The following PCDHGA3 variants were observed in gnomAD, a reference collection of about 807,000 sequenced individuals.
The protein encoded by PCDHGA3 is protocadherin gamma-A3.
Under a neutral mutation model 58.5 loss-of-function variants are expected in PCDHGA3, and 40 were observed. That is an observed-to-expected ratio of 0.68 (90% confidence interval 0.53 to 0.89). The LOEUF (loss-of-function observed/expected upper bound fraction) is 0.89. Ranked by LOEUF, PCDHGA3 falls within the 40% of genes least tolerant of loss-of-function variation. PCDHGA3 has a pLI of 0.00. For synonymous variants in PCDHGA3, 530 were observed against 525.7 expected, an observed-to-expected ratio of 1.01 and a Z score of -0.11; for missense variants, 1,223 against 1,195.9, an observed-to-expected ratio of 1.02 and a Z score of -0.33.
At chr5:141,389,887 A>G (rs1473090410) in intron 1 of PCDHGA3, 2 of 1,613,940 alleles carry the variant, frequency 1.2e-6, no homozygotes, top group East Asian at 2.2e-5. Context: ...AGCTTGCAGG[A>G]GGTGCTGCCG....
chr5:141,446,778 T>C (rs2098515519), intron 1 of PCDHGA3, among the ~76,000 whole-genome samples: 1 of 152,116 alleles, frequency 6.6e-6, no homozygotes, highest in South Asian at 2.1e-4. Flanking sequence ...GTTACCATTC[T>C]TTTACTCTGA....
At chr5:141,363,943 T>C (rs1763121140) in intron 1 of PCDHGA3, among the ~76,000 whole-genome samples, 1 of 152,216 alleles carries the variant, frequency 6.6e-6, no homozygotes, top group African/African-American at 2.4e-5. Context: ...AATAATCATA[T>C]TGATCTCAGG....
chr5:141,364,427 T>A, intron 1 of PCDHGA3: 1 of 1,613,768 alleles, frequency 6.2e-7, no homozygotes, highest in Non-Finnish European at 8.5e-7. Flanking sequence ...GCAGATCCGC[T>A]ACTCGATGCC....
In PCDHGA3 at chr5:141,432,330, A is replaced by G. The variant is rs760184218; in HGVS notation, c.2425-62477A>G. 82 of 1,614,134 alleles carry G rather than the reference A, an allele frequency of 5.1e-5. No individual in the cohort carries two copies. The highest frequency in any genetic ancestry group is 6.8e-5 in the Non-Finnish European group (80 of 1,180,048). Reference sequence around the variant, plus strand: ...GCGCTGAGCTCCTTCGACTACGAGCAGTTCCGAGACTTGCAAGTGAAAGTG... The same window carrying G: ...GCGCTGAGCTCCTTCGACTACGAGCGGTTCCGAGACTTGCAAGTGAAAGTG... On this transcript the variant is annotated intron_variant, in intron 1 of 3. Transcript: ENST00000253812. The surrounding 1 kb of genome is among the most constrained non-coding windows in gnomAD (Gnocchi z 6.0).
chr5:141,413,045 G>A, intron 1 of PCDHGA3: 1 of 894,362 alleles, frequency 1.1e-6, no homozygotes, highest in South Asian at 1.9e-5. Flanking sequence ...CTGGGCTGCA[G>A]GGAAGCTCAC....
At chr5:141,427,371 G>A (rs772247790) in intron 1 of PCDHGA3, 3 of 458,018 alleles carry the variant, frequency 6.5e-6, no homozygotes, top group East Asian at 6.9e-5. Context: ...ACCCTGGACG[G>A]TGATCACTCT....
chr5:141,393,553 A>T (rs377510269), intron 1 of PCDHGA3: 1 of 1,613,928 alleles, frequency 6.2e-7, no homozygotes, highest in African/African-American at 1.3e-5. Context: ...CACCCGATTT[A>T]CCGAGTGAAA....
rs1441791773 is a variant in PCDHGA3, at chr5:141,486,038, G to A, written c.2425-8769G>A. The A allele has an allele frequency of 1.9e-6, 3 of 1,614,066 alleles. No individual in the cohort carries two copies. The highest frequency in any genetic ancestry group is 1.1e-5 in the South Asian group (1 of 91,088). On this transcript the variant is annotated intron_variant, in intron 1 of 3. Coordinates refer to ENST00000253812, the MANE Select transcript of PCDHGA3 (RefSeq NM_018916.4). The surrounding 1 kb of genome is among the most constrained non-coding windows in gnomAD (Gnocchi z 5.0). ...TTTCAGTGGTCATACCCCTGATCGT[G>A]TAAGAAACCTCTTTAGCCTGCACCC...
rs1589316075 is a variant in PCDHGA3, at chr5:141,398,010, G to GAATTT, written c.2424+51553_2424+51554insAATTT. 8 of 1,407,812 alleles carry GAATTT rather than the reference G, an allele frequency of 5.7e-6. 1 individual carries two copies. The East Asian group carries it at 1.5e-4, about 27-fold the overall frequency. 87.2% of individuals were successfully genotyped at this position (1,407,812 alleles called of 1,614,324 possible). Reference sequence around the variant, plus strand: ...CCGCTTCCTCCTCGGAAAAAGAATCGTTTCCTAAACTGGAACTGGAACTAA... The same window carrying GAATTT: ...CCGCTTCCTCCTCGGAAAAAGAATCGAATTTTTTCCTAAACTGGAACTGGAACTAA... On this transcript the variant is annotated intron_variant, in intron 1 of 3. Transcript: ENST00000253812.
At chr5:141,451,302 G>A (rs1445994098) in intron 1 of PCDHGA3, among the ~76,000 whole-genome samples, 1 of 152,208 alleles carries the variant, frequency 6.6e-6, no homozygotes, top group Non-Finnish European at 1.5e-5. Context: ...GTCTTACAAG[G>A]CAGCAATTAA....
At chr5:141,380,843 G>T (rs1262602096) in intron 1 of PCDHGA3, among the ~76,000 whole-genome samples, 2 of 152,142 alleles carry the variant, frequency 1.3e-5, no homozygotes, top group African/African-American at 4.8e-5. Flanking sequence ...AGGTAAAAAT[G>T]GATCAAGACA....
In PCDHGA3 at chr5:141,477,806, G is replaced by T; in HGVS notation, c.2425-17001G>T. ...ATTTGTCACTGATCGCAATGACAAT[G>T]CCCCCCAGGTCCTATATCCTCGGCC... On this transcript the variant is annotated intron_variant, in intron 1 of 3. Coordinates refer to ENST00000253812, the MANE Select transcript of PCDHGA3 (RefSeq NM_018916.4). The surrounding 1 kb of genome is among the most constrained non-coding windows in gnomAD (Gnocchi z 4.9). 6.2e-7 allele frequency: 1 copy of T among 1,614,118 alleles called. No homozygotes were observed. The highest frequency in any genetic ancestry group is 8.5e-7 in the Non-Finnish European group (1 of 1,180,036).
intron 1 of PCDHGA3, chr5:141,372,213 C>T (rs999187008): frequency 1.2e-6 from 2 of 1,613,592 alleles, no homozygotes; most frequent in Non-Finnish European, 1.7e-6. Context: ...GCTGTCCTAC[C>T]ACATTGTGCA....
chr5:141,408,475 C>A, intron 1 of PCDHGA3: 3 of 1,614,032 alleles, frequency 1.9e-6, no homozygotes, highest in Non-Finnish European at 1.7e-6. Flanking sequence ...ACCGAATAGA[C>A]CGTGAGCAAA....
intron 1 of PCDHGA3, chr5:141,395,547 TGTGTGTGTGTGTG>T (rs2093269474): frequency 0.024 from 4,142 of 174,004 alleles, 329 homozygotes; most frequent in East Asian, 0.047. Flanking sequence ...ATTGTTTGTG[TGTGTGTGTGTGTG>T]TGTGTGTGTG....
rs567174433 is a variant in PCDHGA3, at chr5:141,443,351, G to A, written c.2425-51456G>A. On this transcript the variant is annotated intron_variant, in intron 1 of 3. Coordinates refer to ENST00000253812, the MANE Select transcript of PCDHGA3 (RefSeq NM_018916.4). ...AAAACAAAAATTAACAAGGTTTAGT[G>A]GTCCATGCCTGTGGTCTCAGCTACT... 6.6e-5 allele frequency among the ~76,000 whole-genome samples: 10 copies of A among 152,072 alleles called. No homozygotes were observed. The South Asian group carries it at 2.1e-3, about 32-fold the overall frequency.
chr5:141,419,304 G>T, intron 1 of PCDHGA3: 1 of 1,613,994 alleles, frequency 6.2e-7, no homozygotes, highest in Non-Finnish European at 8.5e-7. Context: ...CCAGACTTCG[G>T]GCTCAACGGC....
intron 1 of PCDHGA3, chr5:141,394,371 T>G: frequency 6.2e-7 from 1 of 1,614,174 alleles, no homozygotes; most frequent in Non-Finnish European, 8.5e-7. Context: ...GCTGCAATCT[T>G]TCGACTATGA....
intron 1 of PCDHGA3, chr5:141,382,843 C>T (rs1588925022): frequency 5.4e-6 from 8 of 1,471,852 alleles, no homozygotes; most frequent in East Asian, 2.3e-5. Flanking sequence ...CCCGGATACA[C>T]CCGCATTCTG....
Sources: gnomAD v4.1 joint callset for allele counts (sites outside exome capture counted in the v4.1 genomes callset) on GRCh38, gnomAD v4.1.1 for gene constraint, Gnocchi (gnomAD v3.1) non-coding constraint, MANE v1.5 for transcripts, NCBI Gene and HGNC (gene_info 2026-07-23, HGNC 2026-07-21) for gene names.